Variants in OSBPL11 observed in about 807,000 individuals in gnomAD.
OSBPL11 encodes oxysterol-binding protein-related protein 11.
In OSBPL11, 33 loss-of-function variants were observed where a neutral mutation model predicts 84.4. The observed-to-expected ratio is 0.39, with a 90% CI of 0.30 to 0.52. The LOEUF (loss-of-function observed/expected upper bound fraction) is 0.52. Among genes scored for constraint, OSBPL11 ranks in the 20% least tolerant of loss-of-function variants. The pLI is 0.72. For synonymous variants in OSBPL11, 276 were observed against 310.2 expected, an observed-to-expected ratio of 0.89 and a Z score of 1.16; for missense variants, 736 against 901.1, an observed-to-expected ratio of 0.82 and a Z score of 2.35.
In OSBPL11 at chr3:125,547,460, T is replaced by C. The variant is rs765126130; in HGVS notation, c.1787A>G (p.Tyr596Cys). 14 of 1,613,970 alleles carry C rather than the reference T, an allele frequency of 8.7e-6. No homozygotes were observed. The highest frequency in any genetic ancestry group is 8.3e-5 in the Admixed American group (5 of 59,968). ...KVSVNCAKTG[Y>C]SASITFHTKP... ...GGTATGAAAAGTGATGCTGGCTGAA[T>C]ATCCAGTTTTTGCACAGTTGACACT... The change falls in exon 10 of 13, where the codon TAT becomes TGT. Residue 596 changes from tyrosine (Y) to cysteine (C), a missense_variant. Physicochemically the swap from Tyr to Cys is radical, Grantham distance 194. Transcript: ENST00000296220.
In OSBPL11 at chr3:125,583,844, G is replaced by A. The variant is rs141631252; in HGVS notation, c.165-866C>T. ...TTTCTGCTAGAGTTCTTATACTTCC[G>A]GCCCAGGTCGCAATCAAGTTGTTTA... is the stretch of plus-strand genomic sequence containing the variant. On this transcript the variant is annotated intron_variant, in intron 1 of 12. Coordinates refer to ENST00000296220, the MANE Select transcript of OSBPL11 (RefSeq NM_022776.5). Among the ~76,000 whole-genome samples, 397 of 152,138 alleles carry A rather than the reference G, an allele frequency of 2.6e-3. 2 individuals are homozygous for A. The highest frequency in any genetic ancestry group is 9.1e-3 in the African/African-American group (376 of 41,502).
At chr3:125,541,199 A>C (rs531275398) in intron 10 of OSBPL11, among the ~76,000 whole-genome samples, 1 of 152,322 alleles carries the variant, frequency 6.6e-6, no homozygotes, top group East Asian at 1.9e-4. Flanking sequence ...CAGTAATGTT[A>C]TTATTGGTTT....
chr3:125,560,451 T>A lies in OSBPL11; in HGVS notation c.1083A>T (p.Gly361=). 1 of 1,609,170 alleles carries A rather than the reference T, an allele frequency of 6.2e-7. No homozygotes were observed. The highest frequency in any genetic ancestry group is 1.7e-5 in the Admixed American group (1 of 59,768). ...TGACACTACGTTGTTCTTCTACAGC[T>A]CCCAGGTCATCCTCTTTGTGGTCAC... ...DTCDHKEDDL[G]AVEEQRSVIL... The change falls in exon 8 of 13, where the codon GGA becomes GGT. Residue 361 remains glycine (G), a synonymous_variant. Coordinates refer to ENST00000296220, the MANE Select transcript of OSBPL11 (RefSeq NM_022776.5).
intron 5 of OSBPL11, among the ~76,000 whole-genome samples, chr3:125,570,914 G>C (rs1936233783): frequency 6.6e-6 from 1 of 152,200 alleles, no homozygotes; most frequent in African/African-American, 2.4e-5. Context: ...CTGCTGAAAA[G>C]ATACCCAAAA....
At chr3:125,582,532 C>T (rs926742039) in intron 2 of OSBPL11, among the ~76,000 whole-genome samples, 30 of 152,198 alleles carry the variant, frequency 2.0e-4, no homozygotes. Context: ...TACTTAACCT[C>T]TTCAAGATCC....
intron 11 of OSBPL11, among the ~76,000 whole-genome samples, chr3:125,536,449 C>G (rs1426311439): frequency 6.6e-6 from 1 of 152,110 alleles, no homozygotes; most frequent in Non-Finnish European, 1.5e-5. Flanking sequence ...TGTTGACATA[C>G]TATACAATAT....
chr3:125,547,608 T>A lies in OSBPL11; in HGVS notation c.1655-16A>T, dbSNP rs771344356. 1 of 1,563,006 alleles carries A rather than the reference T, an allele frequency of 6.4e-7. No individual in the cohort carries two copies. Among genetic ancestry groups the A allele is most frequent in the South Asian group, 1.2e-5 (1 of 84,834 alleles). On this transcript the variant is annotated splice_polypyrimidine_tract_variant and intron_variant, in intron 9 of 12. Transcript: ENST00000296220. ...CTAAGGATACCTGAATGTGAAAACA[T>A]GAGGGTGGTTAACATCTTTTTAAAG... is the stretch of plus-strand genomic sequence containing the variant.
In OSBPL11 at chr3:125,530,527, T is replaced by G. The variant is rs111266700; in HGVS notation, c.2232A>C (p.Gln744His). 2 of 1,613,750 alleles carry G rather than the reference T, an allele frequency of 1.2e-6. No individual in the cohort carries two copies. Among genetic ancestry groups the G allele is most frequent in the Admixed American group, 3.3e-5 (2 of 60,002 alleles). Residue 744 changes from glutamine to histidine, a missense_variant, in exon 13 of 13, where the codon CAA becomes CAC. Gln to His is a conservative substitution (Grantham distance 24). Around this residue, in one of 3 missense-constraint regions of OSBPL11, gnomAD observed 579 missense variants for 717.6 expected, o/e 0.81. Transcript: ENST00000296220. ...TAGATAGTATGTGTCACTCTGCTGG[T>G]TGTGTTGTTGGAATTATTTTCCAAA... ...KPLWKIIPTTQPAE is the reference protein window; with the variant it reads ...KPLWKIIPTTHPAE
chr3:125,564,081 T>C (rs150946693), intron 6 of OSBPL11, among the ~76,000 whole-genome samples: 1 of 152,212 alleles, frequency 6.6e-6, no homozygotes, highest in Non-Finnish European at 1.5e-5. Context: ...CAACCCTGAA[T>C]AGGACTGAAT....
Position 125,567,535 on chromosome 3 carries a change from T to C in OSBPL11, c.727A>G (p.Thr243Ala), listed in dbSNP as rs1299577007. Residue 243 changes from threonine (T) to alanine (A), a missense_variant, in exon 6 of 13, where the codon ACT (threonine) becomes GCT (alanine). Physicochemically the swap from Thr to Ala is moderately conservative, Grantham distance 58 (BLOSUM62 0). Coordinates refer to ENST00000296220, the MANE Select transcript of OSBPL11 (RefSeq NM_022776.5). ...TCCAAGGAACTAAGATGGCCAGAAG[T>C]AGGAAGGCATTCAATTCGTCTAATT... ...DLIRRIECLPTSGHLSSLDQD... is the reference protein window; with the variant it reads ...DLIRRIECLPASGHLSSLDQD... 5 of 1,614,024 alleles carry C rather than the reference T, an allele frequency of 3.1e-6. No homozygotes were observed. The South Asian group carries it at 4.4e-5, about 14-fold the overall frequency.
chr3:125,539,300 C>CAT (rs10678056), intron 10 of OSBPL11, among the ~76,000 whole-genome samples: 2,286 of 67,210 alleles, frequency 0.034, 32 homozygotes, highest in Non-Finnish European at 0.039. Context: ...TCACCACAGC[C>CAT]ATATATATAT....
At chr3:125,577,760 C>T (rs1286217213) in intron 4 of OSBPL11, among the ~76,000 whole-genome samples, 1 of 151,464 alleles carries the variant, frequency 6.6e-6, no homozygotes, top group Non-Finnish European at 1.5e-5. Flanking sequence ...ACTCGGGAGG[C>T]GGTGGTTGCA....
chr3:125,576,425 T>C (rs1936324853), intron 4 of OSBPL11, 60 bp from the exon 5 acceptor site: 7 of 1,345,074 alleles, frequency 5.2e-6, no homozygotes, highest in Non-Finnish European at 7.0e-6. Flanking sequence ...TTTCTAACCA[T>C]CAAACTACCA....
In OSBPL11 at chr3:125,538,435, T is replaced by C; in HGVS notation, c.2024+16A>G. 1 of 1,609,326 alleles carries C rather than the reference T, an allele frequency of 6.2e-7. No individual in the cohort carries two copies. Among genetic ancestry groups the C allele is most frequent in the East Asian group, 2.2e-5 (1 of 44,860 alleles). Reference sequence around the variant, plus strand: ...AGCATCTGACTCTTTCCTGGATAGATGCAAGGATGACATACCTGGATTCAA... The same window carrying C: ...AGCATCTGACTCTTTCCTGGATAGACGCAAGGATGACATACCTGGATTCAA... On this transcript the variant is annotated intron_variant, in intron 11 of 12. Coordinates refer to ENST00000296220, the MANE Select transcript of OSBPL11 (RefSeq NM_022776.5).
rs1233960666 is a variant in OSBPL11, at chr3:125,565,450, T to C, written c.869-1607A>G. On this transcript the variant is annotated intron_variant, in intron 6 of 12. Coordinates refer to ENST00000296220, the MANE Select transcript of OSBPL11 (RefSeq NM_022776.5). Reference sequence around the variant, plus strand: ...ATACACTTGTCTCCTCAAAGGAATATAAATACTAAGCAAATTTATAAATAG... The same window carrying C: ...ATACACTTGTCTCCTCAAAGGAATACAAATACTAAGCAAATTTATAAATAG... Among the ~76,000 whole-genome samples, 14 of 152,260 alleles carry C rather than the reference T, an allele frequency of 9.2e-5. 1 individual carries two copies. Among genetic ancestry groups the C allele is most frequent in the South Asian group, 8.3e-4 (4 of 4,830 alleles).
chr3:125,555,676 G>A (rs1935981483), intron 8 of OSBPL11, among the ~76,000 whole-genome samples: 1 of 151,682 alleles, frequency 6.6e-6, no homozygotes, highest in African/African-American at 2.4e-5. Context: ...GAACCCTGCA[G>A]CACGGAGATA....
chr3:125,567,710 A>G, intron 5 of OSBPL11, 115 bp from the exon 6 acceptor site: 1 of 814,744 alleles, frequency 1.2e-6, no homozygotes, highest in East Asian at 2.6e-5. Context: ...AAGACCTACT[A>G]GGCTAGGCAT....
At chr3:125,535,129 A>G (rs1043967136) in intron 11 of OSBPL11, among the ~76,000 whole-genome samples, 6 of 151,930 alleles carry the variant, frequency 3.9e-5, no homozygotes, top group Admixed American at 3.9e-4. Context: ...GATGAGAAAA[A>G]AGATATTACA....
chr3:125,560,426 T>G lies in OSBPL11; in HGVS notation c.1108A>C (p.Ile370Leu). The G allele has an allele frequency of 6.2e-7, 1 of 1,602,326 alleles. No individual in the cohort carries two copies. The highest frequency in any genetic ancestry group is 8.5e-7 in the Non-Finnish European group (1 of 1,173,328). Residue 370 changes from isoleucine to leucine, a missense_variant, in exon 8 of 13, where the codon ATC becomes CTC. By Grantham distance (5) the Ile-to-Leu change is conservative. Around this residue, in one of 3 missense-constraint regions of OSBPL11, gnomAD observed 579 missense variants for 717.6 expected, o/e 0.81. Transcript: ENST00000296220. ...LGAVEEQRSV[I>L]LHLLSQLKLG... ...TTAAGCTGTGACAAGAGATGTAGGA[T>G]GACACTACGTTGTTCTTCTACAGCT...
Sources: gnomAD v4.1 joint callset for allele counts (sites outside exome capture counted in the v4.1 genomes callset) on GRCh38, gnomAD v4.1.1 for gene constraint, gnomAD v4.1.1 regional missense constraint, MANE v1.5 for transcripts, NCBI Gene and HGNC (gene_info 2026-07-23, HGNC 2026-07-21) for gene names.